DNAH7: variants seen among roughly 807,000 people sequenced by gnomAD.
The protein encoded by DNAH7 is dynein axonemal heavy chain 7.
DNAH7 carries 397 observed loss-of-function variants against 444.6 expected under a neutral mutation model. The ratio of observed to expected loss-of-function variants is 0.89; its 90% CI spans 0.82 to 0.97. DNAH7 has a LOEUF of 0.97. DNAH7 is among the 50% of genes least tolerant of loss of function. DNAH7 has a pLI of 0.00. For missense variants in DNAH7, 4,902 were observed against 4,800.8 expected, an observed-to-expected ratio of 1.02 and a Z score of -0.62; for synonymous variants, 1,636 against 1,624.4, an observed-to-expected ratio of 1.01 and a Z score of -0.17.
chr2:196,045,140 G>A (rs1460998738), intron 5 of DNAH7, among the ~76,000 whole-genome samples: 2 of 149,830 alleles, frequency 1.3e-5, no homozygotes, highest in African/African-American at 4.9e-5. Flanking sequence ...GATGGAGGAG[G>A]AGGAGAAGGA....
chr2:195,857,816 T>C (rs983735378), intron 43 of DNAH7, 93 bp from the exon 44 acceptor site: 3 of 1,032,638 alleles, frequency 2.9e-6, no homozygotes, highest in Non-Finnish European at 4.1e-6. Context: ...ATACAGAAAC[T>C]CACTGTGTTC....
chr2:195,873,705 A>C lies in DNAH7; in HGVS notation c.6287-11T>G, dbSNP rs1700856956. On this transcript the variant is annotated splice_polypyrimidine_tract_variant and intron_variant, in intron 38 of 64. Coordinates refer to ENST00000312428, the MANE Select transcript of DNAH7 (RefSeq NM_018897.3). Reference sequence around the variant, plus strand: ...GATTTCGACCACCACCTAAATATTAAAAAGTATAACTCTTAATAATGTTAC... The same window carrying C: ...GATTTCGACCACCACCTAAATATTACAAAGTATAACTCTTAATAATGTTAC... 3 of 1,522,624 alleles carry C rather than the reference A, an allele frequency of 2.0e-6. No individual in the cohort carries two copies. The African/African-American group carries it at 4.3e-5, about 22-fold the overall frequency. The allele number at this position is 1,522,624 out of a possible 1,614,324, so 94.3% of individuals were successfully genotyped here.
At chr2:195,939,530 A>G (rs559731136) in intron 19 of DNAH7, among the ~76,000 whole-genome samples, 46 of 152,130 alleles carry the variant, frequency 3.0e-4, no homozygotes, top group Non-Finnish European at 3.8e-4. Flanking sequence ...GAACATAGCA[A>G]TAAGATGTTG....
intron 52 of DNAH7, among the ~76,000 whole-genome samples, chr2:195,809,188 C>T (rs79108643): frequency 3.5e-4 from 54 of 152,198 alleles, no homozygotes; most frequent in African/African-American, 1.3e-3. Context: ...GCCTAGAGCC[C>T]TATTGGCTCT....
chr2:196,008,428 T>C (rs997722349), intron 10 of DNAH7, among the ~76,000 whole-genome samples: 2 of 152,162 alleles, frequency 1.3e-5, no homozygotes, highest in South Asian at 2.1e-4. Context: ...CACTCCTAGG[T>C]ATACAGTCAA....
intron 47 of DNAH7, among the ~76,000 whole-genome samples, chr2:195,835,087 A>G (rs1207738127): frequency 6.6e-6 from 1 of 152,202 alleles, no homozygotes; most frequent in African/African-American, 2.4e-5. Flanking sequence ...CTTCATCAGT[A>G]TCTGCAATTA....
chr2:195,779,258 C>T (rs188258954), intron 58 of DNAH7, among the ~76,000 whole-genome samples: 26 of 152,248 alleles, frequency 1.7e-4, no homozygotes, highest in Admixed American at 5.9e-4. Flanking sequence ...ACTTTCATTG[C>T]TTCTAATTTT....
At chr2:196,023,360 T>C (rs1695493972) in intron 8 of DNAH7, among the ~76,000 whole-genome samples, 1 of 152,196 alleles carries the variant, frequency 6.6e-6, no homozygotes, top group Admixed American at 6.5e-5. Flanking sequence ...CAACTAAACC[T>C]CTTTTCTTTA....
At chr2:195,782,815 C>T (rs6733196) in intron 58 of DNAH7, among the ~76,000 whole-genome samples, 71,702 of 151,936 alleles carry the variant, frequency 0.47, 18,306 homozygotes, top group Non-Finnish European at 0.59. Context: ...CCCTCCATGT[C>T]TTCTGTTCTC....
chr2:195,793,211 A>C (rs1695973591), intron 57 of DNAH7, among the ~76,000 whole-genome samples: 1 of 152,238 alleles, frequency 6.6e-6, no homozygotes, highest in Admixed American at 6.5e-5. Context: ...CACTGGGATT[A>C]CAGGTGTAAG....
intron 19 of DNAH7, among the ~76,000 whole-genome samples, chr2:195,940,264 C>T (rs1453513544): frequency 6.6e-6 from 1 of 152,024 alleles, no homozygotes; most frequent in Non-Finnish European, 1.5e-5. Context: ...TAAAAACAAG[C>T]AATTGGGAAA....
At chr2:195,879,135 T>C (rs908320533) in intron 36 of DNAH7, among the ~76,000 whole-genome samples, 7 of 152,022 alleles carry the variant, frequency 4.6e-5, no homozygotes, top group Non-Finnish European at 8.8e-5. Context: ...AAACAGAAAA[T>C]GTGAATACAA....
chr2:195,916,636 T>A (rs1485015717), intron 24 of DNAH7, among the ~76,000 whole-genome samples: 1 of 152,162 alleles, frequency 6.6e-6, no homozygotes, highest in Non-Finnish European at 1.5e-5. Context: ...GGTGGGTGGA[T>A]CACTTGGGGC....
intron 48 of DNAH7, among the ~76,000 whole-genome samples, chr2:195,833,244 G>T (rs1698160684): frequency 1.3e-5 from 2 of 151,678 alleles, no homozygotes; most frequent in Admixed American, 1.3e-4. Flanking sequence ...CCAATTAAAT[G>T]AATGAAATAA....
chr2:195,781,976 T>TACACACACACACACACACAC (rs59244207), intron 58 of DNAH7, among the ~76,000 whole-genome samples: 2 of 129,754 alleles, frequency 1.5e-5, no homozygotes. Flanking sequence ...GTGGGTCTTA[T>TACACACACACACACACACAC]ACACACACAC....
chr2:195,826,409 CAATCAAAATA>C (rs1697752650), intron 48 of DNAH7, among the ~76,000 whole-genome samples: 1 of 152,132 alleles, frequency 6.6e-6, no homozygotes, highest in Admixed American at 6.5e-5. Context: ...ATAGGACAGG[CAATCAAAATA>C]AATCAAAATA....
At chr2:195,818,858 G>A (rs1458293427) in intron 49 of DNAH7, among the ~76,000 whole-genome samples, 2 of 151,832 alleles carry the variant, frequency 1.3e-5, no homozygotes, top group South Asian at 2.1e-4. Context: ...CTAATGTCTT[G>A]AATCACATCT....
At chr2:195,841,382 A>C (rs1253466012) in intron 47 of DNAH7, among the ~76,000 whole-genome samples, 2 of 151,878 alleles carry the variant, frequency 1.3e-5, no homozygotes, top group African/African-American at 4.8e-5. Context: ...CAACAGTCTT[A>C]ATGTAACATC....
chr2:195,806,942 C>A, intron 53 of DNAH7, 110 bp from the exon 54 acceptor site: 1 of 683,702 alleles, frequency 1.5e-6, no homozygotes, highest in South Asian at 2.3e-5. Context: ...GAATGCTTGT[C>A]TAAATTTTAC....
Sources: allele counts gnomAD v4.1 joint callset (sites outside exome capture counted in the v4.1 genomes callset), GRCh38; gene constraint gnomAD v4.1.1; transcripts MANE v1.5; gene names NCBI Gene and HGNC (gene_info 2026-07-23, HGNC 2026-07-21).